The following PKIB variants were observed in gnomAD, a reference collection of about 807,000 sequenced individuals.
PKIB encodes the protein PKI-beta.
PKIB carries 2 observed loss-of-function variants against 4.5 expected under a neutral mutation model. That is an observed-to-expected ratio of 0.44 (90% confidence interval 0.18 to 1.39). The LOEUF (loss-of-function observed/expected upper bound fraction) is 1.39. PKIB is among the 40% of genes most tolerant of loss of function. The pLI is 0.27. For missense variants in PKIB, 94 were observed against 92.6 expected, an observed-to-expected ratio of 1.02 and a Z score of -0.06; for synonymous variants, 38 against 36.0, an observed-to-expected ratio of 1.06 and a Z score of -0.20.
chr6:122,662,709 A>G (rs1777059230), intron 2 of PKIB, among the ~76,000 whole-genome samples: 1 of 152,172 alleles, frequency 6.6e-6, no homozygotes, highest in Non-Finnish European at 1.5e-5. Context: ...TGAATTTAGT[A>G]ATAACATTTC....
intron 3 of PKIB, among the ~76,000 whole-genome samples, chr6:122,705,824 CA>C (rs1779035989): frequency 6.6e-6 from 1 of 152,090 alleles, no homozygotes; most frequent in South Asian, 2.1e-4. Flanking sequence ...CTTGGCCTCC[CA>C]AAGTGCTGGG....
intron 2 of PKIB, among the ~76,000 whole-genome samples, chr6:122,494,527 A>C (rs1776024747): frequency 6.6e-6 from 1 of 152,222 alleles, no homozygotes; most frequent in Admixed American, 6.5e-5. Flanking sequence ...CTTGGGAAAT[A>C]CTGGAAGATG....
At chr6:122,628,237 A>G (rs1321308097) in intron 1 of PKIB, among the ~76,000 whole-genome samples, 1 of 152,160 alleles carries the variant, frequency 6.6e-6, no homozygotes, top group African/African-American at 2.4e-5. Flanking sequence ...GGGTTTCTCC[A>G]TGTGGGTCAG....
At chr6:122,485,171 A>G (rs151179304) in intron 2 of PKIB, among the ~76,000 whole-genome samples, 113 of 151,742 alleles carry the variant, frequency 7.4e-4, no homozygotes, top group Non-Finnish European at 1.4e-3. Flanking sequence ...ACTCCTTTAA[A>G]TTTAATTCAG....
chr6:122,598,726 T>A (rs1774256259), intron 3 of PKIB, among the ~76,000 whole-genome samples: 1 of 152,128 alleles, frequency 6.6e-6, no homozygotes, highest in Non-Finnish European at 1.5e-5. Context: ...CCAAGGGAGA[T>A]CAGGCATTTC....
At chr6:122,602,889 G>A (rs1774418948) in intron 3 of PKIB, among the ~76,000 whole-genome samples, 1 of 143,272 alleles carries the variant, frequency 7.0e-6, no homozygotes, top group Non-Finnish European at 1.5e-5. Flanking sequence ...CCAGGAGGCA[G>A]AAGTTGCAGC....
At chr6:122,485,284 A>G (rs1218075876) in intron 2 of PKIB, among the ~76,000 whole-genome samples, 1 of 152,094 alleles carries the variant, frequency 6.6e-6, no homozygotes, top group Non-Finnish European at 1.5e-5. Flanking sequence ...GACAAAATGG[A>G]AAAACTGAAT....
chr6:122,561,994 GT>G, intron 2 of PKIB, among the ~76,000 whole-genome samples: 3 of 40,918 alleles, frequency 7.3e-5, no homozygotes, highest in South Asian at 1.3e-3. Flanking sequence ...GTTTGTTTTT[GT>G]TTTTTTTTGT....
chr6:122,653,628 T>G (rs1356973547), intron 2 of PKIB, among the ~76,000 whole-genome samples: 1 of 148,556 alleles, frequency 6.7e-6, no homozygotes, highest in East Asian at 2.0e-4. Flanking sequence ...TTAATGTAAC[T>G]TGAAGGGATT....
In PKIB at chr6:122,725,948, A is replaced by G. The variant is rs939020234; in HGVS notation, c.*753A>G. The G allele has an allele frequency of 2.6e-5, 4 of 152,080 alleles. No individual in the cohort carries two copies. Among genetic ancestry groups the G allele is most frequent in the Admixed American group, 6.6e-5 (1 of 15,260 alleles). 9.4% of individuals were successfully genotyped at this position (152,080 alleles called of 1,614,324 possible). On this transcript the variant is annotated 3_prime_UTR_variant, in exon 5 of 5. Transcript: ENST00000368452. The stretch of plus-strand genomic sequence containing the variant: ...TTTAATATGAATTATACAAAATACT[A>G]GTTGTTTTACACTCTCTTTTCTTAT...
intron 2 of PKIB, among the ~76,000 whole-genome samples, chr6:122,572,642 T>A (rs1478262666): frequency 9.7e-5 from 13 of 133,346 alleles, no homozygotes; most frequent in Middle Eastern, 3.8e-3. Context: ...CAGAACTAAA[T>A]GAAATTGAAA....
chr6:122,607,076 T>TA (rs567585689), upstream of PKIB, among the ~76,000 whole-genome samples: 195 of 143,558 alleles, frequency 1.4e-3, 1 homozygote, highest in Middle Eastern at 3.6e-3. Flanking sequence ...GTCCCCTTGG[T>TA]AAAAAAAAAA....
In PKIB at chr6:122,553,481, C is replaced by CTTTTTTTTTTTTTTTTTTTTTTTTTTTTT. The variant is rs533553939; in HGVS notation, c.-247-32418_-247-32417insTTTTTTTTTTTTTTTTTTTTTTTTTTTTT. Among the ~76,000 whole-genome samples the CTTTTTTTTTTTTTTTTTTTTTTTTTTTTT allele has an allele frequency of 2.1e-4, 14 of 65,820 alleles. 3 individuals are homozygous for CTTTTTTTTTTTTTTTTTTTTTTTTTTTTT. The highest frequency in any genetic ancestry group is 2.9e-4 in the African/African-American group (5 of 16,956). The allele number at this position is 65,820 out of a possible 152,430, so 43.2% of individuals were successfully genotyped here. On this transcript the variant is annotated intron_variant, in intron 2 of 6. Transcript: ENST00000392491. ...TCTCTCAAGATTGCTCAAATATCTT[C>CTTTTTTTTTTTTTTTTTTTTTTTTTTTTT]TTTTTTTTTTTTTTTTTTTTTTCTG...
intron 3 of PKIB, among the ~76,000 whole-genome samples, chr6:122,698,597 C>A (rs1489781399): frequency 6.6e-6 from 1 of 152,172 alleles, no homozygotes; most frequent in Non-Finnish European, 1.5e-5. Flanking sequence ...ATGACCATCA[C>A]AGGTGGCCTA....
chr6:122,679,567 A>G (rs1006925734), intron 3 of PKIB, among the ~76,000 whole-genome samples: 3 of 152,178 alleles, frequency 2.0e-5, no homozygotes, highest in Non-Finnish European at 4.4e-5. Context: ...CAGTCCATCC[A>G]CAGATTTAAA....
chr6:122,588,955 C>T (rs761493521), intron 3 of PKIB, among the ~76,000 whole-genome samples: 2 of 152,142 alleles, frequency 1.3e-5, no homozygotes, highest in East Asian at 1.9e-4. Flanking sequence ...CAGAAAAATA[C>T]AACTGCTGCC....
At chr6:122,690,930 A>T (rs879875319) in intron 3 of PKIB, among the ~76,000 whole-genome samples, 65,985 of 131,010 alleles carry the variant, frequency 0.5, 16,286 homozygotes, top group Non-Finnish European at 0.59. Context: ...ATATATATAT[A>T]TATTTTTTTT....
intron 3 of PKIB, among the ~76,000 whole-genome samples, chr6:122,700,251 CTTTTTTT>C (rs34063696): frequency 1.1e-5 from 1 of 94,304 alleles, no homozygotes; most frequent in East Asian, 3.1e-4. Context: ...TCTTTTCTTT[CTTTTTTT>C]TTTTTTTTTT....
At chr6:122,579,743 A>G (rs1381958797) in intron 2 of PKIB, among the ~76,000 whole-genome samples, 1 of 152,148 alleles carries the variant, frequency 6.6e-6, no homozygotes, top group Non-Finnish European at 1.5e-5. Context: ...AATAAAGAAT[A>G]TTTTTACTGC....
Sources: gnomAD v4.1 joint callset for allele counts (sites outside exome capture counted in the v4.1 genomes callset) on GRCh38, gnomAD v4.1.1 for gene constraint, MANE v1.5 for transcripts, NCBI Gene and HGNC (gene_info 2026-07-23, HGNC 2026-07-21) for gene names.